The following MED12L variants were observed in gnomAD, a reference collection of about 807,000 sequenced individuals.
MED12L encodes the protein mediator complex subunit 12L.
MED12L carries 60 observed loss-of-function variants against 281.3 expected under a neutral mutation model. That is an observed-to-expected ratio of 0.21 (90% CI 0.17 to 0.26). MED12L has a LOEUF of 0.26. Among genes scored for constraint, MED12L ranks in the 10% least tolerant of loss-of-function variants. The pLI is 1.00. For synonymous variants in MED12L, 974 were observed against 987.2 expected (o/e 0.99, Z 0.25); for missense variants, 2,146 against 2,680.9 (o/e 0.80, Z 4.41).
rs375447099 is a variant in MED12L at position 151,376,281 on chromosome 3, T to C, written c.4053+67T>C. On this transcript the variant is annotated intron_variant, in intron 28 of 44. Coordinates refer to ENST00000687756, the MANE Select transcript of MED12L (RefSeq NM_001393769.1). The stretch of plus-strand genomic sequence containing the variant: ...CTTCGTAATAATAAAAAGAGTTACT[T>C]CCTCTCTTTTTTTGTCCTTGCTAAT... 20 of 1,207,624 alleles carry C rather than the reference T, an allele frequency of 1.7e-5. 1 individual carries two copies. The South Asian group carries it at 4.7e-4, about 28-fold the overall frequency. The allele number at this position is 1,207,624 out of a possible 1,614,324, so 74.8% of individuals were successfully genotyped here.
intron 27 of MED12L, 146 bp from the exon 28 acceptor site, chr3:151,375,880 T>C (rs570618970): frequency 3.7e-4 from 173 of 473,448 alleles, no homozygotes; most frequent in South Asian, 9.7e-4. Context: ...TTTTAAAATT[T>C]TTCTACCTAC....
intron 5 of MED12L, among the ~76,000 whole-genome samples, chr3:151,142,959 T>C (rs1717262840): frequency 6.6e-6 from 1 of 152,218 alleles, no homozygotes; most frequent in African/African-American, 2.4e-5. Context: ...AAGGAATTCA[T>C]AGGGTATGCC....
intron 39 of MED12L, among the ~76,000 whole-genome samples, chr3:151,408,310 T>C (rs1368826696): frequency 6.6e-6 from 1 of 152,218 alleles, no homozygotes; most frequent in Non-Finnish European, 1.5e-5. Context: ...CCTCTTAAGC[T>C]ACATATTTAT....
chr3:151,226,872 T>C (rs1356988516), intron 16 of MED12L, among the ~76,000 whole-genome samples: 1 of 152,324 alleles, frequency 6.6e-6, no homozygotes, highest in African/African-American at 2.4e-5. Flanking sequence ...CGGACTATCA[T>C]GAATGGTGAT....
chr3:151,109,131 C>G (rs539380832), intron 2 of MED12L, among the ~76,000 whole-genome samples: 1 of 151,672 alleles, frequency 6.6e-6, no homozygotes, highest in African/African-American at 2.4e-5. Flanking sequence ...AATCTCGGCT[C>G]ACTGCAACCT....
chr3:151,357,511 C>T lies in MED12L; in HGVS notation c.2825+135C>T, dbSNP rs956106623. The stretch of plus-strand genomic sequence containing the variant: ...AAAACATGGTTAAAGAACACTCTTG[C>T]CAGAAAACATCGATCAAAAAGGTCT... On this transcript the variant is annotated intron_variant, in intron 20 of 44. Transcript: ENST00000687756. 4.1e-6 allele frequency: 3 copies of T among 728,160 alleles called. No individual in the cohort carries two copies. The African/African-American group carries it at 5.4e-5, about 13-fold the overall frequency. The allele number at this position is 728,160 out of a possible 1,614,324, so 45.1% of individuals were successfully genotyped here.
chr3:151,276,145 T>C lies in MED12L; in HGVS notation c.2251-73914T>C, dbSNP rs1199897218. ...TGAAAACTGGATCTGTCCCAGGACATGGGGTCACCCAAAACTGAATGTGCA... is the reference window on the plus strand; with the variant it reads ...TGAAAACTGGATCTGTCCCAGGACACGGGGTCACCCAAAACTGAATGTGCA... On this transcript the variant is annotated intron_variant, in intron 16 of 44. Transcript: ENST00000687756. Among the ~76,000 whole-genome samples, 3 of 152,346 alleles carry C rather than the reference T, an allele frequency of 2.0e-5. No individual in the cohort carries two copies. The East Asian group carries it at 5.8e-4, about 29-fold the overall frequency.
intron 16 of MED12L, among the ~76,000 whole-genome samples, chr3:151,208,980 T>G (rs1726760196): frequency 6.6e-6 from 1 of 152,124 alleles, no homozygotes; most frequent in Non-Finnish European, 1.5e-5. Context: ...AAGTCCTGTG[T>G]TGCAGGTCCC....
At chr3:151,106,902 T>G (rs1722143569) in intron 2 of MED12L, among the ~76,000 whole-genome samples, 1 of 152,210 alleles carries the variant, frequency 6.6e-6, no homozygotes, top group Non-Finnish European at 1.5e-5. Context: ...CTTATCTGTC[T>G]CTATATTTAA....
At chr3:151,367,889 C>A in intron 24 of MED12L, 123 bp downstream of exon 24, 1 of 1,135,832 alleles carries the variant, frequency 8.8e-7, no homozygotes, top group South Asian at 1.6e-5. Flanking sequence ...GGTGTAGTAT[C>A]AAGGTAGATA....
chr3:151,095,372 C>G (rs1720575999), intron 2 of MED12L, among the ~76,000 whole-genome samples: 1 of 152,168 alleles, frequency 6.6e-6, no homozygotes, highest in Admixed American at 6.5e-5. Context: ...TAGTCTTGCT[C>G]TGTCACCCAG....
chr3:151,192,781 C>T lies in MED12L; in HGVS notation c.2073+127C>T, dbSNP rs1179451590. 4.3e-6 allele frequency: 3 copies of T among 690,540 alleles called. No homozygotes were observed. The East Asian group carries it at 8.1e-5, about 19-fold the overall frequency. 42.8% of individuals were successfully genotyped at this position (690,540 alleles called of 1,614,324 possible). A position where few individuals can be genotyped will look rare whatever the true frequency, so the allele number is the denominator to read the frequency against. On this transcript the variant is annotated intron_variant, in intron 15 of 44. Coordinates refer to ENST00000687756, the MANE Select transcript of MED12L (RefSeq NM_001393769.1). ...TGATATGTAATCTTGCCATATTCTTCCTTTGGTACAATTATCATCTGACAC... is the reference window on the plus strand; with the variant it reads ...TGATATGTAATCTTGCCATATTCTTTCTTTGGTACAATTATCATCTGACAC...
At chr3:151,354,058 G>A (rs1753606263) in intron 17 of MED12L, among the ~76,000 whole-genome samples, 1 of 142,626 alleles carries the variant, frequency 7.0e-6, no homozygotes, top group Admixed American at 7.3e-5. Context: ...GGAGAATGGC[G>A]TGAACCCGGG....
At chr3:151,128,558 C>T (rs1198833960) in intron 5 of MED12L, among the ~76,000 whole-genome samples, 1 of 152,082 alleles carries the variant, frequency 6.6e-6, no homozygotes, top group Non-Finnish European at 1.5e-5. Context: ...AGCAGAGCTC[C>T]TTCCCTTTTC....
chr3:151,331,148 G>C (rs1237934378), intron 16 of MED12L, among the ~76,000 whole-genome samples: 1 of 152,220 alleles, frequency 6.6e-6, no homozygotes, highest in African/African-American at 2.4e-5. Flanking sequence ...TGGAAATAGA[G>C]TCTCTTAAAT....
At chr3:151,337,537 T>C (rs1250723605) in intron 16 of MED12L, 1 of 336,466 alleles carries the variant, frequency 3.0e-6, no homozygotes, top group African/African-American at 2.1e-5. Flanking sequence ...TTGGCAAAAC[T>C]CTGCAAAACA....
At chr3:151,325,155 A>AT (rs1338377137) in intron 16 of MED12L, among the ~76,000 whole-genome samples, 1 of 152,244 alleles carries the variant, frequency 6.6e-6, no homozygotes, top group African/African-American at 2.4e-5. Context: ...AAGTTATGAC[A>AT]TAATGACTTT....
chr3:151,291,152 T>G (rs1486960929), intron 16 of MED12L, among the ~76,000 whole-genome samples: 21 of 16,508 alleles, frequency 1.3e-3, no homozygotes, highest in Non-Finnish European at 1.9e-3. Context: ...TGTTTTCTGT[T>G]TTTTTTTTTT....
intron 16 of MED12L, chr3:151,327,440 AAGG>A (rs1436718218): frequency 6.6e-6 from 1 of 152,222 alleles, no homozygotes; most frequent in East Asian, 1.9e-4. Context: ...TTGTAATTGT[AAGG>A]AGAAAATCCT....
Sources: gnomAD v4.1 joint callset for allele counts (sites outside exome capture counted in the v4.1 genomes callset) on GRCh38, gnomAD v4.1.1 for gene constraint, MANE v1.5 for transcripts, NCBI Gene and HGNC (gene_info 2026-07-23, HGNC 2026-07-21) for gene names.